Variants in PDE3B observed in about 807,000 individuals in gnomAD.
PDE3B encodes phosphodiesterase 3B, also known as cGMP-inhibited 3',5'-cyclic phosphodiesterase 3B.
Under a neutral mutation model 116.8 loss-of-function variants are expected in PDE3B, and 66 were observed. That is an observed-to-expected ratio of 0.56 (90% CI 0.46 to 0.69). The LOEUF is 0.69. Among genes scored for constraint, PDE3B ranks in the 30% least tolerant of loss-of-function variants. The pLI is 0.00. For missense variants in PDE3B, 1,384 were observed against 1,368.1 expected (o/e 1.01, Z -0.18); for synonymous variants, 595 against 533.6 (o/e 1.12, Z -1.59).
At chr11:14,886,008 C>T in the PDE3B span, 1 of 1,293,166 alleles carries the variant, frequency 7.7e-7, no homozygotes, top group Non-Finnish European at 1.1e-6. Flanking sequence ...TGCGGCTCTT[C>T]CAGGATTTGT....
intron 5 of PDE3B, among the ~76,000 whole-genome samples, chr11:14,806,252 A>G (rs1280570545): frequency 2.0e-5 from 3 of 150,680 alleles, no homozygotes; most frequent in African/African-American, 7.4e-5. Context: ...GGAGATCGAG[A>G]CCATGGTGAA....
chr11:14,728,631 G>C (rs1330369627), intron 1 of PDE3B, among the ~76,000 whole-genome samples: 2 of 151,994 alleles, frequency 1.3e-5, no homozygotes, highest in Admixed American at 6.6e-5. Context: ...AGTAGAACTA[G>C]GATTGAAATC....
intron 7 of PDE3B, among the ~76,000 whole-genome samples, chr11:14,821,937 C>A: frequency 6.7e-6 from 1 of 148,396 alleles, no homozygotes. Flanking sequence ...CAGAGTCTTA[C>A]TCTGTCATCC....
intron 12 of PDE3B, among the ~76,000 whole-genome samples, chr11:14,848,689 C>A (rs1847669273): frequency 6.6e-6 from 1 of 152,184 alleles, no homozygotes; most frequent in Non-Finnish European, 1.5e-5. Context: ...TTCTTATACA[C>A]CAATAACAGA....
chr11:14,888,415 G>C, the PDE3B span, among the ~76,000 whole-genome samples: 1 of 152,172 alleles, frequency 6.6e-6, no homozygotes, highest in Non-Finnish European at 1.5e-5. Context: ...GCTAATAACA[G>C]ACAAATGTGC....
intron 1 of PDE3B, among the ~76,000 whole-genome samples, chr11:14,684,198 C>G (rs1400901457): frequency 6.6e-6 from 1 of 152,142 alleles, no homozygotes; most frequent in Non-Finnish European, 1.5e-5. Context: ...GAACCCACCC[C>G]CCGTATTTCA....
intron 4 of PDE3B, among the ~76,000 whole-genome samples, chr11:14,801,573 C>G (rs1003077182): frequency 4.6e-5 from 7 of 152,318 alleles, no homozygotes; most frequent in South Asian, 2.1e-4. Context: ...TCTGTCCGCC[C>G]CTACTGGGAG....
In PDE3B at chr11:14,790,881, C is replaced by G. The variant is rs1176341815; in HGVS notation, c.1415+1639C>G. 2.0e-5 allele frequency among the ~76,000 whole-genome samples: 3 copies of G among 152,158 alleles called. No individual in the cohort carries two copies. In the East Asian group the frequency reaches 5.8e-4, roughly 29 times the overall value. On this transcript the variant is annotated intron_variant, in intron 4 of 15. Coordinates refer to ENST00000282096, the MANE Select transcript of PDE3B (RefSeq NM_000922.4). ...ATGGGAATATATGAAACATTTACAA[C>G]CACTATTCCTTTTCAGATTCAAATC...
At chr11:14,760,075 A>G (rs1451678) in intron 1 of PDE3B, among the ~76,000 whole-genome samples, 77,169 of 151,990 alleles carry the variant, frequency 0.51, 19,594 homozygotes, top group Admixed American at 0.55. Flanking sequence ...TTAAAGTTAT[A>G]GATTTTGTAG....
At chr11:14,813,389 C>G (rs1859214488) in intron 5 of PDE3B, among the ~76,000 whole-genome samples, 1 of 152,120 alleles carries the variant, frequency 6.6e-6, no homozygotes, top group South Asian at 2.1e-4. Context: ...GATTCCTGGC[C>G]CATGGCCCCA....
chr11:14,797,221 T>C (rs1045577790), intron 4 of PDE3B, among the ~76,000 whole-genome samples: 2 of 152,182 alleles, frequency 1.3e-5, no homozygotes, highest in Non-Finnish European at 2.9e-5. Flanking sequence ...TATTGGTCTA[T>C]ATATCGGTTT....
At chr11:14,654,619 C>T (rs1348767507) in intron 1 of PDE3B, among the ~76,000 whole-genome samples, 1 of 152,046 alleles carries the variant, frequency 6.6e-6, no homozygotes, top group African/African-American at 2.4e-5. Context: ...TATTATAAGA[C>T]ATTATTAACA....
intron 12 of PDE3B, among the ~76,000 whole-genome samples, chr11:14,852,689 G>T (rs940800872): frequency 6.6e-6 from 1 of 152,160 alleles, no homozygotes; most frequent in Non-Finnish European, 1.5e-5. Flanking sequence ...CTCCTTGCTT[G>T]TTGTCTGCTC....
intron 15 of PDE3B, among the ~76,000 whole-genome samples, chr11:14,868,175 T>A (rs561256374): frequency 6.6e-6 from 1 of 152,260 alleles, no homozygotes; most frequent in African/African-American, 2.4e-5. Context: ...CAACAAGCAT[T>A]CTTATTCTTA....
intron 1 of PDE3B, among the ~76,000 whole-genome samples, chr11:14,646,340 A>G (rs1451903599): frequency 1.3e-5 from 2 of 152,152 alleles, no homozygotes; most frequent in South Asian, 2.1e-4. Flanking sequence ...CTGATCTGTA[A>G]TGTTCCAATG....
chr11:14,843,757 C>T, intron 11 of PDE3B, 70 bp from the exon 12 acceptor site: 1 of 1,157,106 alleles, frequency 8.6e-7, no homozygotes, highest in Non-Finnish European at 1.3e-6. Flanking sequence ...TATGAGAATC[C>T]CCTCCATAGC....
intron 7 of PDE3B, among the ~76,000 whole-genome samples, chr11:14,822,774 G>T (rs540399987): frequency 6.6e-6 from 1 of 152,298 alleles, no homozygotes; most frequent in South Asian, 2.1e-4. Context: ...AGACCCCTAA[G>T]AAGTAGCTGA....
At position 14,644,748 on chromosome 11, in the gene PDE3B, C is replaced by CTGGCCAGCTTCGTCTGGTGGGTCTCCT; in HGVS notation, c.675_701dup (p.Leu225_Ser233dup). The CTGGCCAGCTTCGTCTGGTGGGTCTCCT allele has an allele frequency of 6.3e-7, 1 of 1,587,222 alleles. No individual in the cohort carries two copies. The highest frequency in any genetic ancestry group is 8.6e-7 in the Non-Finnish European group (1 of 1,167,736). ...CCGGCACTGCGTTCTGGTGCTGCTC[C>CTGGCCAGCTTCGTCTGGTGGGTCTCCT]TGGCCAGCTTCGTCTGGTGGGTCTC... On this transcript the variant is annotated inframe_insertion, in exon 1 of 16. Coordinates refer to ENST00000282096, the MANE Select transcript of PDE3B (RefSeq NM_000922.4).
At chr11:14,786,342 T>C in intron 2 of PDE3B, 95 bp from the exon 3 acceptor site, 3 of 836,128 alleles carry the variant, frequency 3.6e-6, no homozygotes, top group Non-Finnish European at 5.4e-6. Context: ...TTGCTACATA[T>C]ATATATATAT....
Sources: gnomAD v4.1 joint callset for allele counts (sites outside exome capture counted in the v4.1 genomes callset) on GRCh38, gnomAD v4.1.1 for gene constraint, MANE v1.5 for transcripts, NCBI Gene and HGNC (gene_info 2026-07-23, HGNC 2026-07-21) for gene names.